Variants in OXR1 observed in about 807,000 individuals in gnomAD.
OXR1 encodes the protein oxidation resistance protein 1.
In OXR1, 41 loss-of-function variants were observed where a neutral mutation model predicts 104.6. The observed-to-expected ratio is 0.39, with a 90% CI of 0.31 to 0.51. The LOEUF (loss-of-function observed/expected upper bound fraction) is 0.51. Among genes scored for constraint, OXR1 ranks in the 20% least tolerant of loss-of-function variants. The probability of loss-of-function intolerance (pLI) is 0.77; values close to 1 mark genes in which losing one functional copy is unlikely to be tolerated. For synonymous variants in OXR1, 348 were observed against 348.4 expected (o/e 1.00, Z 0.01); for missense variants, 955 against 1,031.9 (o/e 0.93, Z 1.02).
intron 3 of OXR1, among the ~76,000 whole-genome samples, chr8:106,634,040 A>G (rs80066815): frequency 6.6e-6 from 1 of 152,220 alleles, no homozygotes; most frequent in Non-Finnish European, 1.5e-5. Flanking sequence ...CCACCTTAGG[A>G]TGATTTTGAA....
intron 1 of OXR1, among the ~76,000 whole-genome samples, chr8:106,310,047 G>T (rs1813632993): frequency 1.3e-5 from 2 of 151,532 alleles, no homozygotes; most frequent in South Asian, 4.2e-4. Flanking sequence ...TCCTACTGTG[G>T]AAAATGGGAA....
chr8:106,526,340 T>C (rs79048054), intron 3 of OXR1, among the ~76,000 whole-genome samples: 2 of 152,184 alleles, frequency 1.3e-5, no homozygotes, highest in African/African-American at 4.8e-5. Context: ...ACTAATGGAA[T>C]TGATATTTGC....
At chr8:106,591,237 T>G (rs1819058706) in intron 3 of OXR1, among the ~76,000 whole-genome samples, 8 of 125,388 alleles carry the variant, frequency 6.4e-5, no homozygotes, top group Admixed American at 1.0e-4. Flanking sequence ...AATTGAACAA[T>G]GAGAACACAT....
intron 3 of OXR1, among the ~76,000 whole-genome samples, chr8:106,534,290 A>C (rs947399617): frequency 1.3e-5 from 2 of 152,212 alleles, no homozygotes; most frequent in African/African-American, 4.8e-5. Context: ...ACTTTTCACT[A>C]TTTGATCCCA....
chr8:106,651,815 A>C (rs1450607722), intron 3 of OXR1, among the ~76,000 whole-genome samples: 1 of 152,112 alleles, frequency 6.6e-6, no homozygotes, highest in African/African-American at 2.4e-5. Flanking sequence ...GGGAATTTTG[A>C]TAGGGAGTGT....
intron 6 of OXR1, among the ~76,000 whole-genome samples, chr8:106,692,429 G>A (rs1829399294): frequency 6.6e-6 from 1 of 152,056 alleles, no homozygotes; most frequent in Non-Finnish European, 1.5e-5. Flanking sequence ...TACAAGAGAT[G>A]TAGTGTTCAC....
Position 106,713,927 on chromosome 8 carries a change from T to C in OXR1, c.1898T>C (p.Ile633Thr), listed in dbSNP as rs770560006. 2.5e-6 allele frequency: 4 copies of C among 1,597,024 alleles called. No individual in the cohort carries two copies. Among genetic ancestry groups the C allele is most frequent in the South Asian group, 1.1e-5 (1 of 87,520 alleles). Residue 633 changes from isoleucine to threonine, a missense_variant, in exon 11 of 17, where the codon ATT (isoleucine) becomes ACT (threonine). Physicochemically the swap from Ile to Thr is moderately conservative, Grantham distance 89. Transcript: ENST00000517566. The part of the protein sequence containing the change: ...REPGFIVVKK[I>T]EESETIEDSS... ...CCTGGATTTATAGTAGTAAAAAAGATTGAGGAGTCTGAAACAATTGAGGAT... is the reference window on the plus strand; with the variant it reads ...CCTGGATTTATAGTAGTAAAAAAGACTGAGGAGTCTGAAACAATTGAGGAT...
chr8:106,475,947 A>G (rs1237947386), intron 2 of OXR1, among the ~76,000 whole-genome samples: 1 of 151,686 alleles, frequency 6.6e-6, no homozygotes, highest in African/African-American at 2.4e-5. Flanking sequence ...CTCTGTCATA[A>G]ATTCTATAGA....
At chr8:106,606,671 T>C (rs1207281438) in intron 3 of OXR1, among the ~76,000 whole-genome samples, 1 of 152,048 alleles carries the variant, frequency 6.6e-6, no homozygotes, top group Non-Finnish European at 1.5e-5. Context: ...TTGGACCTTT[T>C]TGATTACAAT....
At position 106,519,021 on chromosome 8, in the gene OXR1, A is replaced by G. The variant is rs1586749952; in HGVS notation, c.102A>G (p.Pro34=). The G allele has an allele frequency of 6.4e-7, 1 of 1,551,828 alleles. No homozygotes were observed. The highest frequency in any genetic ancestry group is 8.7e-7 in the Non-Finnish European group (1 of 1,146,990). The change falls in exon 3 of 17, where the codon CCA becomes CCG. Residue 34 remains proline, a synonymous_variant. Coordinates refer to ENST00000517566, the MANE Select transcript of OXR1 (RefSeq NM_001198533.2). The part of the protein sequence containing the change: ...NPLAGAGKQT[P]QASKPPAPKT... Reference sequence around the variant, plus strand: ...TGGCTGGTGCAGGAAAGCAAACACCACAAGCCAGTAAGCCCCCGGCACCCA... The same window carrying G: ...TGGCTGGTGCAGGAAAGCAAACACCGCAAGCCAGTAAGCCCCCGGCACCCA...
At chr8:106,638,422 C>A (rs555880053) in intron 3 of OXR1, among the ~76,000 whole-genome samples, 1 of 152,276 alleles carries the variant, frequency 6.6e-6, no homozygotes, top group South Asian at 2.1e-4. Context: ...TGTTCTCAAA[C>A]TTGAAGGCAT....
At chr8:106,391,712 T>C (rs953777895) in intron 2 of OXR1, among the ~76,000 whole-genome samples, 2 of 152,186 alleles carry the variant, frequency 1.3e-5, no homozygotes, top group Non-Finnish European at 2.9e-5. Context: ...AGCATACAGA[T>C]TTAAAATCTC....
intron 2 of OXR1, among the ~76,000 whole-genome samples, chr8:106,472,887 A>T (rs1234856999): frequency 6.6e-6 from 1 of 151,784 alleles, no homozygotes; most frequent in Non-Finnish European, 1.5e-5. Context: ...TCTTAACCTT[A>T]TACTCTTGAG....
intron 2 of OXR1, among the ~76,000 whole-genome samples, chr8:106,413,920 G>A (rs1212113894): frequency 6.6e-6 from 1 of 151,882 alleles, no homozygotes; most frequent in African/African-American, 2.4e-5. Context: ...TAGAGACAGG[G>A]TTTCACCATG....
intron 7 of OXR1, among the ~76,000 whole-genome samples, chr8:106,694,844 ATATT>A (rs1481000152): frequency 8.5e-6 from 1 of 118,184 alleles, no homozygotes; most frequent in African/African-American, 3.4e-5. Flanking sequence ...TATAATATAT[ATATT>A]TAATATATAA....
intron 6 of OXR1, among the ~76,000 whole-genome samples, chr8:106,691,249 G>T (rs1159142789): frequency 6.6e-6 from 1 of 151,810 alleles, no homozygotes; most frequent in Non-Finnish European, 1.5e-5. Flanking sequence ...ACAAAATTAT[G>T]CAGGGAAGCA....
At chr8:106,481,750 T>C (rs1211073524) in intron 2 of OXR1, among the ~76,000 whole-genome samples, 1 of 152,086 alleles carries the variant, frequency 6.6e-6, no homozygotes. Context: ...AAAACATAAC[T>C]TGATGGACTC....
At chr8:106,565,956 C>G (rs1048387389) in intron 3 of OXR1, among the ~76,000 whole-genome samples, 4 of 152,112 alleles carry the variant, frequency 2.6e-5, no homozygotes, top group Non-Finnish European at 4.4e-5. Flanking sequence ...TTCCTTACAC[C>G]TTATACAAAA....
At position 106,706,989 on chromosome 8, in the gene OXR1, G is replaced by A. The variant is rs1831201951; in HGVS notation, c.1468G>A (p.Glu490Lys). Residue 490 changes from glutamate (E) to lysine (K), a missense_variant, in exon 9 of 17, where the codon GAG (glutamate) becomes AAG (lysine). This residue lies in a region of OXR1 where 849 missense variants were observed against 852.9 expected (regional missense o/e 1.00). Transcript: ENST00000517566. ...TGTTAACAAAGGAAAACAAGGAAAG[G>A]AGCAAAATCAGGACTCACAGACAGA... ...QSVNKGKQGKEQNQDSQTEAE... is the reference protein window; with the variant it reads ...QSVNKGKQGKKQNQDSQTEAE... 9 of 1,613,784 alleles carry A rather than the reference G, an allele frequency of 5.6e-6. No homozygotes were observed. The highest frequency in any genetic ancestry group is 7.6e-6 in the Non-Finnish European group (9 of 1,179,916).
Sources: allele counts gnomAD v4.1 joint callset (sites outside exome capture counted in the v4.1 genomes callset), GRCh38; gene constraint gnomAD v4.1.1; regional missense constraint gnomAD v4.1.1; transcripts MANE v1.5; gene names NCBI Gene and HGNC (gene_info 2026-07-23, HGNC 2026-07-21).